Variants in ZFP64 observed in about 807,000 individuals in gnomAD.
ZFP64 encodes the protein ZFP64 zinc finger protein.
In ZFP64, 14 loss-of-function variants were observed where a neutral mutation model predicts 51.6. The ratio of observed to expected loss-of-function variants is 0.27; its 90% confidence interval spans 0.18 to 0.42. ZFP64 has a LOEUF of 0.42. Ranked by LOEUF, ZFP64 falls within the 10% of genes least tolerant of loss-of-function variation. ZFP64 has a pLI of 1.00. For synonymous variants in ZFP64, 375 were observed against 361.4 expected, an observed-to-expected ratio of 1.04 and a Z score of -0.43; for missense variants, 754 against 906.8, an observed-to-expected ratio of 0.83 and a Z score of 2.16.
chr20:52,116,795 C>T (rs993068275), intron 5 of ZFP64, among the ~76,000 whole-genome samples: 4 of 152,132 alleles, frequency 2.6e-5, no homozygotes, highest in Admixed American at 6.5e-5. Flanking sequence ...CGAGGCTGGG[C>T]GCACTGGCTC....
In ZFP64 at chr20:52,156,185, T is replaced by C. The variant is rs148764144; in HGVS notation, c.764-2757A>G. Among the ~76,000 whole-genome samples the C allele has an allele frequency of 7.1e-3, 1,078 of 152,354 alleles. 8 individuals are homozygous for C. Among genetic ancestry groups the C allele is most frequent in the Non-Finnish European group, 0.012 (816 of 68,036 alleles). ...GCGTCGATTATGCCAATGTCTGAAC[T>C]TGCTGTAGATTATAAAAATGTTCCC... On this transcript the variant is annotated intron_variant, in intron 5 of 5. Coordinates refer to ENST00000216923, the MANE Select transcript of ZFP64 (RefSeq NM_018197.3).
rs570905746 is a variant in ZFP64, at chr20:52,085,714, C to T, written c.1229-448G>A. 4.6e-5 allele frequency among the ~76,000 whole-genome samples: 7 copies of T among 152,290 alleles called. No individual in the cohort carries two copies. The East Asian group carries it at 1.3e-3, about 29-fold the overall frequency. On this transcript the variant is annotated intron_variant, in intron 8 of 8. Transcript: ENST00000361387. This position sits in a 1 kb window ranked among gnomAD's most constrained non-coding sequence, Gnocchi z 4.3. ...GAAGACGCTTACTATAGTGTTTAAT[C>T]TATATGACATCAGTTATTGAGCTTG...
downstream of ZFP64, among the ~76,000 whole-genome samples, chr20:52,146,635 C>T (rs1010467590): frequency 9.9e-5 from 15 of 151,744 alleles, no homozygotes; most frequent in Non-Finnish European, 2.1e-4. Context: ...TGCTAAATGA[C>T]GAGTTAATGG....
In ZFP64 at chr20:52,163,473, T is replaced by C. The variant is rs375200463; in HGVS notation, c.511+1222A>G. Among the ~76,000 whole-genome samples, 28 of 152,266 alleles carry C rather than the reference T, an allele frequency of 1.8e-4. 1 individual carries two copies. The highest frequency in any genetic ancestry group is 1.1e-3 in the Admixed American group (17 of 15,294). Reference sequence around the variant, plus strand: ...CAATATATGAAACCCACATGGAGAGTTTAATTGCTTATTACACTAGAACGC... The same window carrying C: ...CAATATATGAAACCCACATGGAGAGCTTAATTGCTTATTACACTAGAACGC... On this transcript the variant is annotated intron_variant, in intron 4 of 5. Coordinates refer to ENST00000216923, the MANE Select transcript of ZFP64 (RefSeq NM_018197.3).
intron 2 of ZFP64, among the ~76,000 whole-genome samples, chr20:52,169,596 A>G (rs906120940): frequency 4.6e-5 from 7 of 152,276 alleles, no homozygotes; most frequent in African/African-American, 1.7e-4. Flanking sequence ...TCCATCTCTT[A>G]ACTGTCCTCT....
rs754432281 is a variant in ZFP64, at chr20:52,084,587, C to T, written c.1908G>A (p.Glu636=). 6 of 1,613,796 alleles carry T rather than the reference C, an allele frequency of 3.7e-6. No individual in the cohort carries two copies. In the South Asian group the frequency reaches 5.5e-5, roughly 15 times the overall value. ...GGTCTTGGCTGGGCTCTAGGGGAGC[C>T]TCGAGCTGCCCCACGGAGACCAGGG... is the stretch of plus-strand genomic sequence containing the variant. Residue 636 remains glutamate, a synonymous_variant, in exon 9 of 9, where the codon GAG becomes GAA. Coordinates refer to the ZFP64 transcript ENST00000361387.
chr20:52,176,316 GAA>G (rs1235857818), intron 2 of ZFP64, among the ~76,000 whole-genome samples: 1 of 152,000 alleles, frequency 6.6e-6, no homozygotes, highest in Admixed American at 6.6e-5. Context: ...TCTGAACAAA[GAA>G]GACATAAACT....
chr20:52,136,708 A>T (rs1330249824), intron 5 of ZFP64, among the ~76,000 whole-genome samples: 1 of 152,222 alleles, frequency 6.6e-6, no homozygotes, highest in African/African-American at 2.4e-5. Context: ...CCTTGCTTAT[A>T]TTTAATAACT....
chr20:52,166,747 T>A (rs1982309803), intron 2 of ZFP64, among the ~76,000 whole-genome samples: 1 of 152,136 alleles, frequency 6.6e-6, no homozygotes. Context: ...GCCCTAGACT[T>A]CTTAAATAAA....
chr20:52,191,566 G>A lies in ZFP64; in HGVS notation c.46+25C>T. ...GAGCGCGCACTGGGCCCCGGAGCGC[G>A]CACTGCTCCCGGAAAAGCACTTACT... On this transcript the variant is annotated intron_variant, in intron 1 of 5. Transcript: ENST00000216923. This position sits in a 1 kb window ranked among gnomAD's most constrained non-coding sequence, Gnocchi z 4.3. 1 of 1,565,498 alleles carries A rather than the reference G, an allele frequency of 6.4e-7. No homozygotes were observed. Among genetic ancestry groups the A allele is most frequent in the Non-Finnish European group, 8.6e-7 (1 of 1,160,504 alleles).
chr20:52,159,982 A>AC (rs113303849), intron 5 of ZFP64, 141 bp downstream of exon 5: 6 of 1,437,776 alleles, frequency 4.2e-6, no homozygotes, highest in African/African-American at 2.9e-5. Context: ...AACAACAACA[A>AC]AAAAAAACAA....
intron 5 of ZFP64, among the ~76,000 whole-genome samples, chr20:52,119,533 A>AAAATATATATATATATATATATAC (rs1457197109): frequency 1.1e-5 from 1 of 89,840 alleles, no homozygotes; most frequent in Non-Finnish European, 2.1e-5. Context: ...AAAAAAAAAA[A>AAAATATATATATATATATATATAC]ATATATATAT....
chr20:52,105,820 G>A (rs910521536), intron 5 of ZFP64, among the ~76,000 whole-genome samples: 13 of 151,990 alleles, frequency 8.6e-5, no homozygotes, highest in African/African-American at 2.7e-4. Flanking sequence ...TAATTGGTCT[G>A]GGCTGGGACC....
intron 5 of ZFP64, among the ~76,000 whole-genome samples, chr20:52,104,044 A>G (rs1402935066): frequency 6.6e-6 from 1 of 152,176 alleles, no homozygotes; most frequent in Admixed American, 6.5e-5. Flanking sequence ...GCCCGGAAAG[A>G]GCGGGGGAGA....
At chr20:52,105,173 C>G in intron 5 of ZFP64, 2 of 1,438,944 alleles carry the variant, frequency 1.4e-6, no homozygotes, top group Non-Finnish European at 1.8e-6. Context: ...CGCACACTCC[C>G]GGCGCGCAGG....
intron 2 of ZFP64, among the ~76,000 whole-genome samples, chr20:52,172,936 T>C (rs908128431): frequency 1.3e-5 from 2 of 152,224 alleles, no homozygotes; most frequent in African/African-American, 4.8e-5. Flanking sequence ...TTGTATTTAG[T>C]TCTGGTTTGT....
At chr20:52,108,656 C>T (rs1211942664) in intron 5 of ZFP64, among the ~76,000 whole-genome samples, 1 of 151,930 alleles carries the variant, frequency 6.6e-6, no homozygotes, top group East Asian at 1.9e-4. Flanking sequence ...TTACAGACAG[C>T]CACCACCATG....
downstream of ZFP64, among the ~76,000 whole-genome samples, chr20:52,148,215 A>G (rs925728639): frequency 6.6e-6 from 1 of 152,230 alleles, no homozygotes; most frequent in Admixed American, 6.5e-5. Flanking sequence ...TAATGCTAGT[A>G]TAATCAAATA....
chr20:52,136,096 C>CAAAAAAAAAAAAAAAAAAAA (rs71192597), intron 5 of ZFP64, among the ~76,000 whole-genome samples: 2 of 38,030 alleles, frequency 5.3e-5, no homozygotes, highest in Non-Finnish European at 8.8e-5. Flanking sequence ...GAGACTCTCT[C>CAAAAAAAAAAAAAAAAAAAA]AAAAAAAAAA....
Sources: allele counts gnomAD v4.1 joint callset (sites outside exome capture counted in the v4.1 genomes callset), GRCh38; gene constraint gnomAD v4.1.1; non-coding constraint Gnocchi (gnomAD v3.1); transcripts MANE v1.5; gene names NCBI Gene and HGNC (gene_info 2026-07-23, HGNC 2026-07-21).